The following TMCO4 variants were observed in gnomAD, a reference collection of about 807,000 sequenced individuals.
The protein encoded by TMCO4 is transmembrane and coiled-coil domain-containing protein 4.
A neutral mutation model predicts 64.7 loss-of-function variants in TMCO4; 58 were observed. The ratio of observed to expected loss-of-function variants is 0.90; its 90% CI spans 0.73 to 1.12. The LOEUF (loss-of-function observed/expected upper bound fraction) is 1.12, where lower values mean the gene tolerates loss of function less well. TMCO4 is among the 50% of genes most tolerant of loss of function. The probability of loss-of-function intolerance (pLI) is 0.00; values close to 1 mark genes in which losing one functional copy is unlikely to be tolerated. For missense variants in TMCO4, 780 were observed against 825.9 expected, an observed-to-expected ratio of 0.94 and a Z score of 0.68; for synonymous variants, 325 against 346.1, an observed-to-expected ratio of 0.94 and a Z score of 0.68.
intron 5 of TMCO4, 77 bp from the exon 6 acceptor site, chr1:19,770,646 C>T: frequency 1.4e-6 from 2 of 1,467,014 alleles, no homozygotes; most frequent in East Asian, 2.3e-5. Context: ...ATATTGACTC[C>T]TACCAAGTGG....
intron 13 of TMCO4, among the ~76,000 whole-genome samples, chr1:19,729,461 T>C (rs1176856431): frequency 6.6e-6 from 1 of 150,858 alleles, no homozygotes; most frequent in African/African-American, 2.4e-5. Flanking sequence ...AATTTAATTG[T>C]ACATTTAGAA....
Position 19,683,297 on chromosome 1 carries a change from C to A in TMCO4, c.1648G>T (p.Ala550Ser), listed in dbSNP as rs41312012. The A allele has an allele frequency of 6.2e-7, 1 of 1,613,996 alleles. No individual in the cohort carries two copies. Among genetic ancestry groups the A allele is most frequent in the Non-Finnish European group, 8.5e-7 (1 of 1,179,946 alleles). Residue 550 changes from alanine to serine, a missense_variant, in exon 16 of 16, where the codon GCC becomes TCC. Ala to Ser is a moderately conservative substitution (Grantham distance 99, BLOSUM62 1). Transcript: ENST00000294543. ...SEEPRQAAAA[A>S]SSGETPHQVG... The stretch of plus-strand genomic sequence containing the variant: ...TGGTGGGGGGTCTCGCCTGATGAGG[C>A]GGCAGCTGCTGCCTGGCGAGGCTCC...
chr1:19,707,595 C>T (rs1420553639), intron 13 of TMCO4, among the ~76,000 whole-genome samples: 5 of 152,196 alleles, frequency 3.3e-5, no homozygotes, highest in African/African-American at 1.2e-4. Context: ...TGTACTCCAG[C>T]CTGGGCAACA....
chr1:19,728,890 T>C (rs2095419063), intron 13 of TMCO4, among the ~76,000 whole-genome samples: 1 of 152,206 alleles, frequency 6.6e-6, no homozygotes, highest in Non-Finnish European at 1.5e-5. Flanking sequence ...TCAGTGAGAA[T>C]GGTGCCTTGG....
At chr1:19,723,335 T>C (rs2095394393) in intron 13 of TMCO4, among the ~76,000 whole-genome samples, 1 of 152,196 alleles carries the variant, frequency 6.6e-6, no homozygotes, top group African/African-American at 2.4e-5. Context: ...TGGGGGATAG[T>C]CTCTTCTTTG....
At chr1:19,706,020 C>T (rs2095301569) in intron 13 of TMCO4, among the ~76,000 whole-genome samples, 2 of 152,166 alleles carry the variant, frequency 1.3e-5, no homozygotes, top group African/African-American at 4.8e-5. Context: ...CCTACCTCTG[C>T]CTCCCAAGTA....
chr1:19,797,860 TC>T (rs2044389772), intron 2 of TMCO4, among the ~76,000 whole-genome samples: 3 of 77,722 alleles, frequency 3.9e-5, no homozygotes, highest in African/African-American at 1.1e-4. Flanking sequence ...TGAGACTCTG[TC>T]AAAAAAAAAA....
At chr1:19,683,743 G>A (rs1252676396) in intron 15 of TMCO4, among the ~76,000 whole-genome samples, 2 of 139,236 alleles carry the variant, frequency 1.4e-5, no homozygotes, top group Non-Finnish European at 3.0e-5. Flanking sequence ...AGAAGCTCTC[G>A]TTCTTTGTCT....
At chr1:19,714,473 C>G (rs6668875) in intron 13 of TMCO4, among the ~76,000 whole-genome samples, 2,059 of 152,242 alleles carry the variant, frequency 0.014, 37 homozygotes, top group African/African-American at 0.045. Flanking sequence ...CTGCTGGGCA[C>G]TAACGGTCTA....
chr1:19,739,861 C>G lies in TMCO4; in HGVS notation c.1142G>C (p.Gly381Ala). Reference sequence around the variant, plus strand: ...GAGCAGGATGTGGGCCAGGTGCTTGCCAACCTCTGCTGATCGATGGAGACA... The same window carrying G: ...GAGCAGGATGTGGGCCAGGTGCTTGGCAACCTCTGCTGATCGATGGAGACA... ...GVCLHRSAEV[G>A]KHLAHILLSR... Residue 381 changes from glycine (G) to alanine (A), a missense_variant, in exon 12 of 16, where the codon GGC becomes GCC. Gly to Ala is a moderately conservative substitution (Grantham distance 60). Coordinates refer to ENST00000294543, the MANE Select transcript of TMCO4 (RefSeq NM_181719.7). 1 of 1,613,938 alleles carries G rather than the reference C, an allele frequency of 6.2e-7. No individual in the cohort carries two copies.
At chr1:19,691,160 A>C (rs933924410) in intron 15 of TMCO4, among the ~76,000 whole-genome samples, 1 of 151,992 alleles carries the variant, frequency 6.6e-6, no homozygotes, top group African/African-American at 2.4e-5. Context: ...GAGTCACTGC[A>C]CCCGGCCCCT....
chr1:19,766,832 C>A (rs138824293), intron 6 of TMCO4, among the ~76,000 whole-genome samples: 1 of 152,174 alleles, frequency 6.6e-6, no homozygotes, highest in Non-Finnish European at 1.5e-5. Flanking sequence ...ACATGACAAC[C>A]GTCAGCAAAC....
chr1:19,745,615 T>C lies in TMCO4; in HGVS notation c.794A>G (p.Glu265Gly), dbSNP rs148406938. The change falls in exon 10 of 16, where the codon GAG (glutamate) becomes GGG (glycine). Residue 265 changes from glutamate (E) to glycine (G), a missense_variant. Transcript: ENST00000294543. Reference protein sequence around the residue: ...KMKKRVGAIEEFTFLPLTEGR... With the variant: ...KMKKRVGAIEGFTFLPLTEGR... ...CTCCGTCAGAGGCAGAAACGTGAAC[T>C]CTTCAATGGCTCCCACTCGCTTCTT... 9 of 1,613,688 alleles carry C rather than the reference T, an allele frequency of 5.6e-6. No individual in the cohort carries two copies. Among genetic ancestry groups the C allele is most frequent in the African/African-American group, 1.3e-5 (1 of 74,904 alleles).
At position 19,771,441 on chromosome 1, in the gene TMCO4, A is replaced by G; in HGVS notation, c.221T>C (p.Leu74Pro). Residue 74 changes from leucine to proline, a missense_variant, in exon 5 of 16, where the codon CTG (leucine) becomes CCG (proline). Coordinates refer to ENST00000294543, the MANE Select transcript of TMCO4 (RefSeq NM_181719.7). ...TGGCAAGACAGCTTCAGACAACTCCAGCCACTGCACCAGGCCTGCCATGAA... is the reference window on the plus strand; with the variant it reads ...TGGCAAGACAGCTTCAGACAACTCCGGCCACTGCACCAGGCCTGCCATGAA... ...TEFMAGLVQW[L>P]ELSEAVLPTM... The G allele has an allele frequency of 6.2e-7, 1 of 1,614,186 alleles. No homozygotes were observed. The highest frequency in any genetic ancestry group is 8.5e-7 in the Non-Finnish European group (1 of 1,180,018).
chr1:19,702,323 C>A (rs1288244589), intron 13 of TMCO4, among the ~76,000 whole-genome samples: 5 of 149,572 alleles, frequency 3.3e-5, no homozygotes, highest in African/African-American at 1.2e-4. Flanking sequence ...CCGGCACAGT[C>A]GCTTATGCCT....
At chr1:19,715,665 C>T (rs1051907297) in intron 13 of TMCO4, among the ~76,000 whole-genome samples, 1 of 152,202 alleles carries the variant, frequency 6.6e-6, no homozygotes, top group African/African-American at 2.4e-5. Flanking sequence ...GGTAACTCTC[C>T]CCAGCAAGCA....
chr1:19,750,274 C>T (rs2041968473), intron 7 of TMCO4: 1 of 152,148 alleles, frequency 6.6e-6, no homozygotes, highest in Non-Finnish European at 1.5e-5. Context: ...AGAAAACATT[C>T]AAGTCACTGA....
chr1:19,744,938 G>GT (rs1473681411), intron 10 of TMCO4, among the ~76,000 whole-genome samples: 1 of 152,106 alleles, frequency 6.6e-6, no homozygotes, highest in East Asian at 1.9e-4. Flanking sequence ...TTCAGTATAT[G>GT]ACACATGGTA....
At chr1:19,784,243 C>T (rs1041395786) in intron 3 of TMCO4, among the ~76,000 whole-genome samples, 2 of 152,098 alleles carry the variant, frequency 1.3e-5, no homozygotes, top group African/African-American at 4.8e-5. Context: ...GTACAAAAGG[C>T]TAAGCTCAGG....
Sources: gnomAD v4.1 joint callset for allele counts (sites outside exome capture counted in the v4.1 genomes callset) on GRCh38, gnomAD v4.1.1 for gene constraint, MANE v1.5 for transcripts, NCBI Gene and HGNC (gene_info 2026-07-23, HGNC 2026-07-21) for gene names.